Variants in EIF4H observed in about 807,000 individuals in gnomAD.
EIF4H encodes Williams-Beuren syndrome chromosome region 1.
EIF4H carries 8 observed loss-of-function variants against 30.6 expected under a neutral mutation model. The ratio of observed to expected loss-of-function variants is 0.26; its 90% CI spans 0.15 to 0.47. EIF4H has a LOEUF of 0.47. EIF4H is among the 20% of genes least tolerant of loss of function. EIF4H has a pLI of 0.99. For synonymous variants in EIF4H, 106 were observed against 122.7 expected (o/e 0.86, Z 0.90); for missense variants, 188 against 339.5 (o/e 0.55, Z 3.51).
intron 4 of EIF4H, 74 bp downstream of exon 4, chr7:74,189,992 C>T (rs1554709676): frequency 6.6e-7 from 1 of 1,516,928 alleles, no homozygotes; most frequent in African/African-American, 1.4e-5. Flanking sequence ...GTGAACGTTC[C>T]TAGTAGAACT....
In EIF4H at chr7:74,184,765, G is replaced by A. The variant is rs539230257; in HGVS notation, c.60-2846G>A. Among the ~76,000 whole-genome samples, 3 of 152,164 alleles carry A rather than the reference G, an allele frequency of 2.0e-5. No individual in the cohort carries two copies. The South Asian group carries it at 6.2e-4, about 32-fold the overall frequency. On this transcript the variant is annotated intron_variant, in intron 1 of 6. Transcript: ENST00000265753. ...TCTGTAGCCCAGGCTGAAGCGCAGTGACACAGTCTCAGCTCACTGCAAGCT... is the reference window on the plus strand; with the variant it reads ...TCTGTAGCCCAGGCTGAAGCGCAGTAACACAGTCTCAGCTCACTGCAAGCT...
intron 5 of EIF4H, among the ~76,000 whole-genome samples, chr7:74,192,004 C>A (rs1433483183): frequency 2.0e-5 from 3 of 152,120 alleles, no homozygotes. Flanking sequence ...TGGTCTCGAT[C>A]TCCTGACCTC....
chr7:74,184,399 T>C (rs1554708885), intron 1 of EIF4H, among the ~76,000 whole-genome samples: 1 of 152,172 alleles, frequency 6.6e-6, no homozygotes, highest in Non-Finnish European at 1.5e-5. Flanking sequence ...CGAGAGTTTA[T>C]CATCTCTCTT....
At position 74,174,456 on chromosome 7, in the gene EIF4H, G is replaced by T; in HGVS notation, c.59+14G>T. 1 of 1,420,328 alleles carries T rather than the reference G, an allele frequency of 7.0e-7. No homozygotes were observed. The highest frequency in any genetic ancestry group is 1.6e-5 in the South Asian group (1 of 64,402). The allele number at this position is 1,420,328 out of a possible 1,614,324, so 88.0% of individuals were successfully genotyped here. ...CGGCGGCAGAGGGTGAGGCGGGCGT[G>T]CGCGGGCCCCGTCGGGGGCTGCGGG... is the stretch of plus-strand genomic sequence containing the variant. On this transcript the variant is annotated intron_variant, in intron 1 of 6. Coordinates refer to ENST00000265753, the MANE Select transcript of EIF4H (RefSeq NM_022170.2).
At chr7:74,195,142 T>A in intron 6 of EIF4H, 27 bp from the exon 7 acceptor site, 2 of 1,612,414 alleles carry the variant, frequency 1.2e-6, no homozygotes, top group Non-Finnish European at 1.7e-6. Context: ...ATCCACACTC[T>A]GACAAACTCT....
Position 74,194,857 on chromosome 7 carries a change from G to A in EIF4H, c.586G>A (p.Asp196Asn). 1 of 1,595,650 alleles carries A rather than the reference G, an allele frequency of 6.3e-7. No homozygotes were observed. The highest frequency in any genetic ancestry group is 8.6e-7 in the Non-Finnish European group (1 of 1,164,810). The change falls in exon 6 of 7, where the codon GAT becomes AAT. Residue 196 changes from aspartate (D) to asparagine (N), a missense_variant. Asp to Asn is a conservative substitution (Grantham distance 23). Around this residue, in one of 4 missense-constraint regions of EIF4H, gnomAD observed 76 missense variants for 85.8 expected, o/e 0.89. Coordinates refer to ENST00000265753, the MANE Select transcript of EIF4H (RefSeq NM_022170.2). ...DGPPLRGSNM[D>N]FREPTEEERA... ...CCCTCCCCTCCGTGGATCCAACATG[G>A]ATTTCAGAGAACCCACAGAAGGTAC...
intron 4 of EIF4H, 54 bp downstream of exon 4, chr7:74,189,972 A>G (rs782323848): frequency 5.0e-6 from 8 of 1,588,216 alleles, no homozygotes; most frequent in South Asian, 1.1e-5. Flanking sequence ...ATGCCTACCA[A>G]TTCCAACTCG....
chr7:74,185,189 T>TA (rs1554709032), intron 1 of EIF4H, among the ~76,000 whole-genome samples: 1 of 151,980 alleles, frequency 6.6e-6, no homozygotes, highest in African/African-American at 2.4e-5. Context: ...GATGGGGTCT[T>TA]ACTGTGTTGC....
chr7:74,187,599 C>T lies in EIF4H; in HGVS notation c.60-12C>T, dbSNP rs1801115739. On this transcript the variant is annotated splice_polypyrimidine_tract_variant and intron_variant, in intron 1 of 6. Transcript: ENST00000265753. ...CTGGGCACACTTGAATCCTGTTTGTCTCCCCTCCTAGGTCCCGCGGCAGTG... is the reference window on the plus strand; with the variant it reads ...CTGGGCACACTTGAATCCTGTTTGTTTCCCCTCCTAGGTCCCGCGGCAGTG... 7 of 1,554,398 alleles carry T rather than the reference C, an allele frequency of 4.5e-6. No homozygotes were observed. Among genetic ancestry groups the T allele is most frequent in the Non-Finnish European group, 6.1e-6 (7 of 1,146,334 alleles).
chr7:74,184,917 G>A (rs1028194113), intron 1 of EIF4H, among the ~76,000 whole-genome samples: 1 of 152,114 alleles, frequency 6.6e-6, no homozygotes, highest in Non-Finnish European at 1.5e-5. Context: ...CTGGCCTCAA[G>A]TGATCCACCC....
intron 5 of EIF4H, among the ~76,000 whole-genome samples, chr7:74,191,512 C>A (rs1367278576): frequency 6.6e-6 from 1 of 152,104 alleles, no homozygotes; most frequent in African/African-American, 2.4e-5. Context: ...ATCTCAAACC[C>A]TATGTGGGCT....
chr7:74,180,827 G>T (rs1373152050), intron 1 of EIF4H, among the ~76,000 whole-genome samples: 1 of 152,226 alleles, frequency 6.6e-6, no homozygotes, highest in African/African-American at 2.4e-5. Context: ...GGCCCTCCAG[G>T]CCAGAATAGG....
intron 5 of EIF4H, among the ~76,000 whole-genome samples, chr7:74,193,612 G>GTT (rs10716716): frequency 3.5e-5 from 5 of 144,724 alleles, no homozygotes; most frequent in Non-Finnish European, 4.6e-5. Flanking sequence ...CTTTTCGCCA[G>GTT]TTTTTTTTTT....
At chr7:74,190,547 G>A (rs1801183214) in intron 5 of EIF4H, among the ~76,000 whole-genome samples, 1 of 152,182 alleles carries the variant, frequency 6.6e-6, no homozygotes, top group South Asian at 2.1e-4. Flanking sequence ...GATGTGTACG[G>A]GCCTGGGTCC....
intron 2 of EIF4H, 103 bp downstream of exon 2, chr7:74,187,901 G>T: frequency 1.5e-6 from 2 of 1,343,894 alleles, no homozygotes; most frequent in Non-Finnish European, 9.9e-7. Flanking sequence ...CTGTAATCAA[G>T]AAAGTGTTTT....
At chr7:74,175,559 A>G (rs1800820090) in intron 1 of EIF4H, among the ~76,000 whole-genome samples, 1 of 152,172 alleles carries the variant, frequency 6.6e-6, no homozygotes, top group South Asian at 2.1e-4. Context: ...ATGATACTGT[A>G]ACGTGGAAGT....
intron 1 of EIF4H, among the ~76,000 whole-genome samples, chr7:74,186,865 C>T (rs1801095532): frequency 8.5e-6 from 1 of 117,648 alleles, no homozygotes; most frequent in African/African-American, 3.2e-5. Context: ...GTCGCGTGAG[C>T]TGAAGTGCAG....
chr7:74,181,382 A>G (rs1363688447), intron 1 of EIF4H, among the ~76,000 whole-genome samples: 7 of 152,068 alleles, frequency 4.6e-5, no homozygotes, highest in Admixed American at 4.6e-4. Flanking sequence ...TTTTATGGCT[A>G]CCGTAGTAGA....
chr7:74,188,614 G>A (rs989137881), intron 2 of EIF4H, among the ~76,000 whole-genome samples: 2 of 152,178 alleles, frequency 1.3e-5, no homozygotes, highest in Non-Finnish European at 2.9e-5. Context: ...ATCAAACAGT[G>A]AAAACAAATA....
Sources: allele counts gnomAD v4.1 joint callset (sites outside exome capture counted in the v4.1 genomes callset), GRCh38; gene constraint gnomAD v4.1.1; regional missense constraint gnomAD v4.1.1; transcripts MANE v1.5; gene names NCBI Gene and HGNC (gene_info 2026-07-23, HGNC 2026-07-21).